GABPB2: variants seen among roughly 807,000 people sequenced by gnomAD.
GABPB2 encodes GA binding protein transcription factor subunit beta 2.
A neutral mutation model predicts 39.1 loss-of-function variants in GABPB2; 23 were observed. The ratio of observed to expected loss-of-function variants is 0.59; its 90% confidence interval spans 0.42 to 0.83. GABPB2 has a LOEUF of 0.83. GABPB2 is among the 40% of genes least tolerant of loss of function. GABPB2 has a pLI of 0.00. For synonymous variants in GABPB2, 184 were observed against 199.3 expected, an observed-to-expected ratio of 0.92 and a Z score of 0.65; for missense variants, 467 against 541.1, an observed-to-expected ratio of 0.86 and a Z score of 1.36.
chr1:151,103,516 A>G (rs777170099), intron 5 of GABPB2, 46 bp from the exon 6 acceptor site: 32 of 1,325,628 alleles, frequency 2.4e-5, no homozygotes, highest in Admixed American at 9.2e-5. Context: ...ATTTGCCTCA[A>G]TTTTTTCTCT....
chr1:151,074,412 G>A (rs968439594), intron 1 of GABPB2, among the ~76,000 whole-genome samples: 4 of 148,310 alleles, frequency 2.7e-5, no homozygotes, highest in Admixed American at 6.8e-5. Flanking sequence ...CTGGGTTCAC[G>A]CCATTATCCT....
At chr1:151,099,744 T>G (rs1212959689) in intron 5 of GABPB2, among the ~76,000 whole-genome samples, 1 of 152,186 alleles carries the variant, frequency 6.6e-6, no homozygotes, top group Non-Finnish European at 1.5e-5. Flanking sequence ...GAATCAGAAT[T>G]GTGCTCAAAT....
At chr1:151,081,159 C>T (rs1277920233) in intron 1 of GABPB2, among the ~76,000 whole-genome samples, 1 of 151,450 alleles carries the variant, frequency 6.6e-6, no homozygotes, top group East Asian at 2.0e-4. Flanking sequence ...AGGCATGAGC[C>T]ACCACACCCG....
At chr1:151,075,818 A>G (rs888305630) in intron 1 of GABPB2, among the ~76,000 whole-genome samples, 4 of 152,124 alleles carry the variant, frequency 2.6e-5, no homozygotes, top group Non-Finnish European at 4.4e-5. Context: ...CCCAACTCCT[A>G]TGCAAGATGG....
chr1:151,104,775 C>CTCTTTCTTTCTTTCTTTCTT (rs1553266329), intron 6 of GABPB2, among the ~76,000 whole-genome samples: 3 of 53,416 alleles, frequency 5.6e-5, no homozygotes, highest in Non-Finnish European at 1.1e-4. Context: ...CTTTCTTTCT[C>CTCTTTCTTTCTTTCTTTCTT]TCTTTCTTTC....
intron 1 of GABPB2, among the ~76,000 whole-genome samples, chr1:151,085,295 G>T (rs986413260): frequency 6.6e-6 from 1 of 151,888 alleles, no homozygotes; most frequent in Non-Finnish European, 1.5e-5. Flanking sequence ...TACTTGGGAG[G>T]CTGAGGCAGG....
At chr1:151,078,409 C>T (rs1403303908) in intron 1 of GABPB2, among the ~76,000 whole-genome samples, 2 of 151,966 alleles carry the variant, frequency 1.3e-5, no homozygotes, top group East Asian at 2.0e-4. Context: ...CTGGCTAACA[C>T]GGTGAAACCG....
intron 1 of GABPB2, among the ~76,000 whole-genome samples, chr1:151,080,212 T>C (rs1677537267): frequency 2.2e-5 from 2 of 90,898 alleles, no homozygotes; most frequent in African/African-American, 4.0e-5. Context: ...CCAAACTCCA[T>C]CTCAAAAAAA....
intron 7 of GABPB2, among the ~76,000 whole-genome samples, chr1:151,110,464 A>T (rs1204396529): frequency 6.6e-6 from 1 of 152,010 alleles, no homozygotes; most frequent in African/African-American, 2.4e-5. Flanking sequence ...TTACCTAAAT[A>T]AACTATACTA....
In GABPB2 at chr1:151,078,525, G is replaced by A. The variant is rs181656963; in HGVS notation, c.-1+7591G>A. 5.9e-3 allele frequency among the ~76,000 whole-genome samples: 899 copies of A among 151,928 alleles called. 15 individuals carry two copies. The highest frequency in any genetic ancestry group is 0.021 in the African/African-American group (869 of 41,472). On this transcript the variant is annotated intron_variant, in intron 1 of 8. Transcript: ENST00000368918. ...GGAGAATGGCATGAATCCGGGAGAC[G>A]GAGCTTGCAGTGAGCCGAGATCGCG...
chr1:151,108,418 C>T (rs1449662304), intron 7 of GABPB2, among the ~76,000 whole-genome samples: 2 of 152,140 alleles, frequency 1.3e-5, no homozygotes, highest in African/African-American at 2.4e-5. Flanking sequence ...GTGATCCTCC[C>T]GCCTAAGCCT....
intron 7 of GABPB2, among the ~76,000 whole-genome samples, chr1:151,113,554 A>G (rs942188674): frequency 6.6e-6 from 1 of 151,750 alleles, no homozygotes; most frequent in Non-Finnish European, 1.5e-5. Flanking sequence ...TAATCATAAT[A>G]TATCCTAAAA....
In GABPB2 at chr1:151,117,391, G is replaced by A; in HGVS notation, c.923-1G>A. ...TCCAATTGGTGTCCTTTGACTTGTA[G>A]TTCTAACTGTACCTGCTGGTAAGGT... On this transcript the variant is annotated splice_acceptor_variant, in intron 7 of 8. Transcript: ENST00000368918. LOFTEE classifies it high-confidence loss of function. The A allele has an allele frequency of 6.2e-7, 1 of 1,613,588 alleles. No homozygotes were observed. Among genetic ancestry groups the A allele is most frequent in the Non-Finnish European group, 8.5e-7 (1 of 1,179,704 alleles).
At chr1:151,110,458 CTAAA>C (rs587658610) in intron 7 of GABPB2, among the ~76,000 whole-genome samples, 74 of 151,780 alleles carry the variant, frequency 4.9e-4, no homozygotes, top group East Asian at 1.7e-3. Flanking sequence ...GAGGTTTTAC[CTAAA>C]TAAACTATAC....
intron 5 of GABPB2, among the ~76,000 whole-genome samples, chr1:151,102,717 C>G (rs1322049889): frequency 6.6e-6 from 1 of 152,144 alleles, no homozygotes; most frequent in East Asian, 1.9e-4. Flanking sequence ...GCGAGGATTA[C>G]AGGCATGAGC....
chr1:151,078,096 T>C (rs12039542), intron 1 of GABPB2, among the ~76,000 whole-genome samples: 118,926 of 150,988 alleles, frequency 0.79, 46,938 homozygotes, highest in East Asian at 0.91. Context: ...CATGGTGAAA[T>C]CCTGTCTCTA....
intron 5 of GABPB2, among the ~76,000 whole-genome samples, chr1:151,100,878 G>A (rs1679465069): frequency 6.6e-6 from 1 of 150,728 alleles, no homozygotes. Flanking sequence ...ATGAGCCACC[G>A]TGCCTGGCCC....
At chr1:151,095,900 G>A (rs147797829) in intron 4 of GABPB2, among the ~76,000 whole-genome samples, 300 of 152,110 alleles carry the variant, frequency 2.0e-3, no homozygotes, top group African/African-American at 5.9e-3. Flanking sequence ...TGACTTGGTC[G>A]TGGGTGCCTG....
Position 151,124,686 on chromosome 1 carries a change from T to C in GABPB2, c.*6430T>C, listed in dbSNP as rs1423164397. 6.6e-6 allele frequency: 1 copy of C among 152,160 alleles called. No individual in the cohort carries two copies. Among genetic ancestry groups the C allele is most frequent in the East Asian group, 1.9e-4 (1 of 5,202 alleles). The allele number at this position is 152,160 out of a possible 1,614,324, so 9.4% of individuals were successfully genotyped here. A position where few individuals can be genotyped will look rare whatever the true frequency, so the allele number is the denominator to read the frequency against. On this transcript the variant is annotated 3_prime_UTR_variant, in exon 9 of 9. Coordinates refer to ENST00000368918, the MANE Select transcript of GABPB2 (RefSeq NM_144618.3). Reference sequence around the variant, plus strand: ...GATAGCTAGAAAAGGAACTTCAGAATGGACTATATGTGATGACCACCTGTA... The same window carrying C: ...GATAGCTAGAAAAGGAACTTCAGAACGGACTATATGTGATGACCACCTGTA...
Sources: gnomAD v4.1 joint callset for allele counts (sites outside exome capture counted in the v4.1 genomes callset) on GRCh38, gnomAD v4.1.1 for gene constraint, MANE v1.5 for transcripts, NCBI Gene and HGNC (gene_info 2026-07-23, HGNC 2026-07-21) for gene names.